Variants in NUCB2 observed in about 807,000 individuals in gnomAD.
The protein encoded by NUCB2 is nucleobindin-2.
In NUCB2, 48 loss-of-function variants were observed where a neutral mutation model predicts 57.9. That is an observed-to-expected ratio of 0.83 (90% confidence interval 0.66 to 1.05). The LOEUF (loss-of-function observed/expected upper bound fraction) is 1.05. Ranked by LOEUF, NUCB2 falls within the 50% of genes least tolerant of loss-of-function variation. The pLI, the probability that NUCB2 is intolerant of heterozygous loss-of-function variation, is 0.00. For synonymous variants in NUCB2, 139 were observed against 152.1 expected (o/e 0.91, Z 0.64); for missense variants, 442 against 476.2 (o/e 0.93, Z 0.67).
intron 2 of NUCB2, among the ~76,000 whole-genome samples, chr11:17,342,203 C>A (rs1407532312): frequency 1.3e-5 from 2 of 152,086 alleles, no homozygotes; most frequent in Non-Finnish European, 1.5e-5. Flanking sequence ...TGATTCTTCT[C>A]TCTTTTCTTC....
At chr11:17,282,258 A>ATATTT (rs1388672393) in intron 1 of NUCB2, among the ~76,000 whole-genome samples, 9 of 103,470 alleles carry the variant, frequency 8.7e-5, no homozygotes, top group East Asian at 3.4e-4. Context: ...ATATATATAT[A>ATATTT]TTTTTTTTTT....
chr11:17,336,812 T>C (rs1024886453), downstream of NUCB2, among the ~76,000 whole-genome samples: 2 of 151,360 alleles, frequency 1.3e-5, no homozygotes, highest in Non-Finnish European at 2.9e-5. Flanking sequence ...TATATGTTTT[T>C]TATGCCAAGA....
intron 5 of NUCB2, among the ~76,000 whole-genome samples, chr11:17,308,643 G>T (rs1948050894): frequency 6.6e-6 from 1 of 152,132 alleles, no homozygotes; most frequent in Non-Finnish European, 1.5e-5. Context: ...TATATCCACT[G>T]TGTATCCATT....
chr11:17,317,222 CCTCT>C (rs1259899578), intron 11 of NUCB2, among the ~76,000 whole-genome samples: 4 of 152,020 alleles, frequency 2.6e-5, no homozygotes, highest in South Asian at 2.1e-4. Flanking sequence ...CTCTTTCCCT[CCTCT>C]CTATTTTTAA....
At chr11:17,313,327 C>A (rs1235840214) in intron 10 of NUCB2, among the ~76,000 whole-genome samples, 1 of 151,694 alleles carries the variant, frequency 6.6e-6, no homozygotes, top group Non-Finnish European at 1.5e-5. Flanking sequence ...GTCAGAAGTT[C>A]GAGACCAGCC....
intron 11 of NUCB2, among the ~76,000 whole-genome samples, chr11:17,325,619 C>A (rs1950571046): frequency 6.6e-6 from 1 of 152,092 alleles, no homozygotes; most frequent in Non-Finnish European, 1.5e-5. Context: ...CTTGTTTTTT[C>A]ATCTATTCAG....
At chr11:17,315,309 T>C (rs1365572404) in intron 10 of NUCB2, 77 bp from the exon 11 acceptor site, 2 of 714,012 alleles carry the variant, frequency 2.8e-6, no homozygotes, top group Non-Finnish European at 4.5e-6. Context: ...GTGGCATCTA[T>C]TACAAGACAG....
intron 2 of NUCB2, among the ~76,000 whole-genome samples, chr11:17,348,872 C>T (rs571063213): frequency 6.6e-6 from 1 of 151,880 alleles, no homozygotes; most frequent in Non-Finnish European, 1.5e-5. Flanking sequence ...CTCCGCTTCC[C>T]GGGTTCAAGT....
At chr11:17,312,007 A>T in intron 9 of NUCB2, 21 bp from the exon 10 acceptor site, 1 of 1,547,604 alleles carries the variant, frequency 6.5e-7, no homozygotes, top group Non-Finnish European at 8.8e-7. Context: ...TTTCATGTTC[A>T]TTTAAAATTT....
At chr11:17,324,780 CTATTTATTTATTTATTTATT>C (rs147466695) in intron 11 of NUCB2, among the ~76,000 whole-genome samples, 4 of 147,064 alleles carry the variant, frequency 2.7e-5, no homozygotes, top group South Asian at 2.2e-4. Context: ...GTCTATTTGT[CTATTTATTTATTTATTTATT>C]TATTTATTTA....
chr11:17,325,363 C>T (rs1196730213), intron 11 of NUCB2, among the ~76,000 whole-genome samples: 3 of 152,138 alleles, frequency 2.0e-5, no homozygotes, highest in African/African-American at 7.2e-5. Context: ...TATCTGGGTG[C>T]TCTAGTGTTG....
intron 2 of NUCB2, among the ~76,000 whole-genome samples, chr11:17,284,284 A>C (rs214067): frequency 0.47 from 70,995 of 151,986 alleles, 17,258 homozygotes; most frequent in East Asian, 0.8. Context: ...CCCTACAGTG[A>C]TGGGATTACA....
intron 10 of NUCB2, among the ~76,000 whole-genome samples, chr11:17,313,351 G>A (rs887730220): frequency 6.6e-6 from 1 of 151,952 alleles, no homozygotes; most frequent in Non-Finnish European, 1.5e-5. Context: ...CAAACATGGT[G>A]AAACCCTGTG....
chr11:17,309,543 T>G (rs371307925), intron 5 of NUCB2, 29 bp from the exon 6 acceptor site: 2 of 1,198,572 alleles, frequency 1.7e-6, no homozygotes, highest in Non-Finnish European at 2.4e-6. Flanking sequence ...TAGAAATTGA[T>G]CATTTACAGT....
chr11:17,301,868 A>G lies in NUCB2; in HGVS notation c.377A>G (p.Gln126Arg), dbSNP rs1020408829. Reference sequence around the variant, plus strand: ...ATTAAAGCTAAGTTGGATTCCCTTCAAGGTAAGTGCTAAACAAAAGGTAGG... The same window carrying G: ...ATTAAAGCTAAGTTGGATTCCCTTCGAGGTAAGTGCTAAACAAAAGGTAGG... ...MLIKAKLDSL[Q>R]DIGMDHQALL... Residue 126 changes from glutamine to arginine, a missense_variant and splice_region_variant, in exon 5 of 14, where the codon CAA (glutamine) becomes CGA (arginine). Coordinates refer to ENST00000529010, the MANE Select transcript of NUCB2 (RefSeq NM_005013.4). 10 of 1,612,112 alleles carry G rather than the reference A, an allele frequency of 6.2e-6. No individual in the cohort carries two copies. The highest frequency in any genetic ancestry group is 7.6e-6 in the Non-Finnish European group (9 of 1,179,034).
chr11:17,287,966 C>A (rs190498877), intron 2 of NUCB2, among the ~76,000 whole-genome samples: 1 of 152,098 alleles, frequency 6.6e-6, no homozygotes, highest in Non-Finnish European at 1.5e-5. Context: ...GCACTGCACT[C>A]CAGCACGGGC....
rs147328634 is a variant in NUCB2 at position 17,315,288 on chromosome 11, A to G, written c.913-98A>G. On this transcript the variant is annotated intron_variant, in intron 10 of 13. Transcript: ENST00000529010. Reference sequence around the variant, plus strand: ...AAGTTAAGTGAGTCCTAATTGCTGTATGTTTATGTAGTGGCATCTATTACA... The same window carrying G: ...AAGTTAAGTGAGTCCTAATTGCTGTGTGTTTATGTAGTGGCATCTATTACA... 4.7e-4 allele frequency: 259 copies of G among 555,664 alleles called. No individual in the cohort carries two copies. The East Asian group carries it at 7.6e-3, about 16-fold the overall frequency. The allele number at this position is 555,664 out of a possible 1,614,324, so 34.4% of individuals were successfully genotyped here. A position where few individuals can be genotyped will look rare whatever the true frequency, so the allele number is the denominator to read the frequency against.
chr11:17,344,316 C>G (rs1001168244), intron 2 of NUCB2, among the ~76,000 whole-genome samples: 3 of 152,192 alleles, frequency 2.0e-5, no homozygotes, highest in African/African-American at 4.8e-5. Context: ...GAAGAAACAT[C>G]TTTGATACGG....
At chr11:17,307,808 A>G (rs1238197909) in intron 5 of NUCB2, among the ~76,000 whole-genome samples, 2 of 152,082 alleles carry the variant, frequency 1.3e-5, no homozygotes, top group South Asian at 2.1e-4. Flanking sequence ...CAAATTATAT[A>G]TATATATTTG....
Sources: allele counts gnomAD v4.1 joint callset (sites outside exome capture counted in the v4.1 genomes callset), GRCh38; gene constraint gnomAD v4.1.1; transcripts MANE v1.5; gene names NCBI Gene and HGNC (gene_info 2026-07-23, HGNC 2026-07-21).